The following SLC12A2 variants were observed in gnomAD, a reference collection of about 807,000 sequenced individuals.
SLC12A2 encodes solute carrier family 12 member 2.
SLC12A2 carries 67 observed loss-of-function variants against 136.3 expected under a neutral mutation model. The observed-to-expected ratio is 0.49, with a 90% CI of 0.40 to 0.60. The LOEUF (loss-of-function observed/expected upper bound fraction) is 0.60. Among genes scored for constraint, SLC12A2 ranks in the 20% least tolerant of loss-of-function variants. The pLI, the probability that SLC12A2 is intolerant of heterozygous loss-of-function variation, is 0.00. For missense variants in SLC12A2, 1,322 were observed against 1,534.7 expected (o/e 0.86, Z 2.32); for synonymous variants, 619 against 562.9 (o/e 1.10, Z -1.41).
intron 1 of SLC12A2, chr5:128,110,784 CA>C (rs1290638041): frequency 1.4e-6 from 2 of 1,472,720 alleles, no homozygotes; most frequent in East Asian, 2.3e-5. Context: ...ATGAAGAGGC[CA>C]AAAAGATAGC....
At chr5:128,169,198 T>G (rs1415194656) in intron 18 of SLC12A2, 1 of 151,796 alleles carries the variant, frequency 6.6e-6, no homozygotes, top group Non-Finnish European at 1.5e-5. Flanking sequence ...ACTGATGAAA[T>G]AGAACTGTCT....
At chr5:128,132,274 G>A (rs143884191) in intron 5 of SLC12A2, among the ~76,000 whole-genome samples, 1 of 152,204 alleles carries the variant, frequency 6.6e-6, no homozygotes, top group Admixed American at 6.5e-5. Context: ...AGAGGAGATG[G>A]TGGCTTATAT....
Position 128,084,197 on chromosome 5 carries a change from C to T in SLC12A2, c.243C>T (p.Phe81=). 1 of 1,288,502 alleles carries T rather than the reference C, an allele frequency of 7.8e-7. No homozygotes were observed. Among genetic ancestry groups the T allele is most frequent in the Non-Finnish European group, 9.7e-7 (1 of 1,026,950 alleles). 79.8% of individuals were successfully genotyped at this position (1,288,502 alleles called of 1,614,324 possible). Residue 81 remains phenylalanine, a synonymous_variant, in exon 1 of 27, where the codon TTC becomes TTT. Coordinates refer to ENST00000262461, the MANE Select transcript of SLC12A2 (RefSeq NM_001046.3). The surrounding 1 kb of genome is among the most constrained non-coding windows in gnomAD (Gnocchi z 5.6). ...PLGPTPSQSR[F]QVDLVSENAG... Reference sequence around the variant, plus strand: ...GGCCCACCCCGAGCCAGAGCCGTTTCCAGGTGGACCTGGTTTCCGAGAACG... The same window carrying T: ...GGCCCACCCCGAGCCAGAGCCGTTTTCAGGTGGACCTGGTTTCCGAGAACG...
At chr5:128,175,622 C>T (rs1315304298) in intron 20 of SLC12A2, among the ~76,000 whole-genome samples, 3 of 151,940 alleles carry the variant, frequency 2.0e-5, no homozygotes, top group Admixed American at 6.5e-5. Context: ...GCATCTACTC[C>T]GTGCACCCAA....
Position 128,114,206 on chromosome 5 carries a change from C to T in SLC12A2, c.877-6C>T, listed in dbSNP as rs750040676. On this transcript the variant is annotated splice_region_variant and splice_polypyrimidine_tract_variant and intron_variant, in intron 2 of 26. Coordinates refer to ENST00000262461, the MANE Select transcript of SLC12A2 (RefSeq NM_001046.3). ...TCTGTGTCTTGGCCTCTTTTTCCCT[C>T]TTTAGGTACGTTGTATGTTAAACAT... is the stretch of plus-strand genomic sequence containing the variant. 6.2e-7 allele frequency: 1 copy of T among 1,609,166 alleles called. No individual in the cohort carries two copies. The highest frequency in any genetic ancestry group is 1.1e-5 in the South Asian group (1 of 90,706).
intron 1 of SLC12A2, among the ~76,000 whole-genome samples, chr5:128,106,655 T>TA (rs1262484751): frequency 6.6e-6 from 1 of 152,220 alleles, no homozygotes; most frequent in Non-Finnish European, 1.5e-5. Context: ...TGTGTGGACA[T>TA]ACCTTTATTT....
intron 19 of SLC12A2, 36 bp from the exon 20 acceptor site, chr5:128,174,505 A>G (rs753505697): frequency 6.7e-7 from 1 of 1,493,888 alleles, no homozygotes. Flanking sequence ...TTAAAATATG[A>G]CTTAGATACT....
At chr5:128,100,939 C>T (rs1035093337) in intron 1 of SLC12A2, among the ~76,000 whole-genome samples, 12 of 152,122 alleles carry the variant, frequency 7.9e-5, no homozygotes, top group African/African-American at 2.9e-4. Flanking sequence ...TAGTAAAGAA[C>T]ATGATGGGCT....
intron 6 of SLC12A2, 79 bp from the exon 7 acceptor site, chr5:128,135,621 G>A (rs1198322160): frequency 2.1e-6 from 2 of 947,926 alleles, no homozygotes; most frequent in East Asian, 2.4e-5. Flanking sequence ...TTCCCTCATG[G>A]AAGTTATATT....
intron 1 of SLC12A2, among the ~76,000 whole-genome samples, chr5:128,100,091 T>C (rs1760693305): frequency 6.6e-6 from 1 of 152,188 alleles, no homozygotes; most frequent in African/African-American, 2.4e-5. Flanking sequence ...TATTCCAGCA[T>C]CACCACAAAC....
At chr5:128,139,180 C>T (rs1213280450) in intron 9 of SLC12A2, among the ~76,000 whole-genome samples, 2 of 151,818 alleles carry the variant, frequency 1.3e-5, no homozygotes, top group Admixed American at 1.3e-4. Context: ...CATCTATAAA[C>T]TCATTCCACT....
intron 10 of SLC12A2, among the ~76,000 whole-genome samples, chr5:128,142,657 G>C (rs1039764945): frequency 3.3e-5 from 5 of 151,940 alleles, no homozygotes; most frequent in Admixed American, 3.3e-4. Flanking sequence ...TCTTGATTCT[G>C]TTCTGTTGAT....
At chr5:128,145,004 T>C (rs568653381) in intron 10 of SLC12A2, among the ~76,000 whole-genome samples, 2 of 152,272 alleles carry the variant, frequency 1.3e-5, no homozygotes, top group South Asian at 2.1e-4. Context: ...ATTATTTACA[T>C]TGAATATCAT....
rs999371919 is a variant in SLC12A2, at chr5:128,135,824, T to A, written c.1408+16T>A. 8 of 1,394,278 alleles carry A rather than the reference T, an allele frequency of 5.7e-6. No homozygotes were observed. The highest frequency in any genetic ancestry group is 7.1e-6 in the Non-Finnish European group (7 of 986,290). The allele number at this position is 1,394,278 out of a possible 1,614,324, so 86.4% of individuals were successfully genotyped here. On this transcript the variant is annotated intron_variant, in intron 7 of 26. Coordinates refer to ENST00000262461, the MANE Select transcript of SLC12A2 (RefSeq NM_001046.3). Reference sequence around the variant, plus strand: ...GGTTATAAATGTAAGTAAAAAAGATTCAATATTTTTTAAGGGTACCTATTT... The same window carrying A: ...GGTTATAAATGTAAGTAAAAAAGATACAATATTTTTTAAGGGTACCTATTT...
intron 1 of SLC12A2, among the ~76,000 whole-genome samples, chr5:128,100,259 A>T (rs1046108466): frequency 6.6e-6 from 1 of 152,128 alleles, no homozygotes; most frequent in Admixed American, 6.6e-5. Context: ...AACTCTTGGC[A>T]TTTCTACTTA....
At chr5:128,152,196 GAAATA>G (rs997710489) in intron 14 of SLC12A2, among the ~76,000 whole-genome samples, 2 of 152,206 alleles carry the variant, frequency 1.3e-5, no homozygotes, top group African/African-American at 4.8e-5. Flanking sequence ...CTCCAGAAAT[GAAATA>G]AAACATTTTA....
chr5:128,155,770 A>G (rs756986559), intron 15 of SLC12A2, among the ~76,000 whole-genome samples: 1 of 152,152 alleles, frequency 6.6e-6, no homozygotes, highest in Non-Finnish European at 1.5e-5. Context: ...CTTAATGTAG[A>G]TTAATGTGGC....
intron 15 of SLC12A2, among the ~76,000 whole-genome samples, chr5:128,154,506 G>A (rs1762812841): frequency 6.6e-6 from 1 of 152,106 alleles, no homozygotes; most frequent in Non-Finnish European, 1.5e-5. Flanking sequence ...TAGTCTGCAA[G>A]GTTTGTCATG....
At chr5:128,114,107 T>C in intron 2 of SLC12A2, 105 bp from the exon 3 acceptor site, 1 of 793,624 alleles carries the variant, frequency 1.3e-6, no homozygotes. Context: ...CTACATATCT[T>C]CTGTAGTTTC....
Sources: gnomAD v4.1 joint callset for allele counts (sites outside exome capture counted in the v4.1 genomes callset) on GRCh38, gnomAD v4.1.1 for gene constraint, Gnocchi (gnomAD v3.1) non-coding constraint, MANE v1.5 for transcripts, NCBI Gene and HGNC (gene_info 2026-07-23, HGNC 2026-07-21) for gene names.